The following TMEM135 variants were observed in gnomAD, a reference collection of about 807,000 sequenced individuals.
TMEM135 encodes transmembrane protein 135.
TMEM135 carries 30 observed loss-of-function variants against 60.3 expected under a neutral mutation model. The observed-to-expected ratio is 0.50, with a 90% CI of 0.37 to 0.68. TMEM135 has a LOEUF of 0.68. TMEM135 is among the 30% of genes least tolerant of loss of function. The pLI is 0.00. For missense variants in TMEM135, 468 were observed against 548.8 expected (o/e 0.85, Z 1.47); for synonymous variants, 190 against 186.7 (o/e 1.02, Z -0.14).
intron 6 of TMEM135, among the ~76,000 whole-genome samples, chr11:87,273,860 T>A (rs537662313): frequency 6.6e-6 from 1 of 152,184 alleles, no homozygotes; most frequent in Admixed American, 6.5e-5. Context: ...CTAGGCTATT[T>A]GGGTCCTTAT....
At chr11:87,199,287 G>T (rs1231015355) in intron 5 of TMEM135, among the ~76,000 whole-genome samples, 4 of 152,216 alleles carry the variant, frequency 2.6e-5, no homozygotes, top group African/African-American at 9.6e-5. Flanking sequence ...AAGAGGGTAG[G>T]TTAGAGGGAG....
chr11:87,044,453 A>C (rs1170473752), intron 1 of TMEM135, among the ~76,000 whole-genome samples: 1 of 152,122 alleles, frequency 6.6e-6, no homozygotes, highest in Non-Finnish European at 1.5e-5. Flanking sequence ...AAAGAATGTA[A>C]ACTACTCAGA....
In TMEM135 at chr11:87,067,733, T is replaced by C. The variant is rs776734926; in HGVS notation, c.181T>C (p.Leu61=). 7.1e-5 allele frequency: 115 copies of C among 1,613,850 alleles called. No homozygotes were observed. The highest frequency in any genetic ancestry group is 9.6e-5 in the Non-Finnish European group (113 of 1,179,944). The change falls in exon 2 of 15, where the codon TTA becomes CTA. Residue 61 remains leucine (L), a synonymous_variant. Coordinates refer to ENST00000305494, the MANE Select transcript of TMEM135 (RefSeq NM_022918.4). ...CCGGAAACGGAAATTAGACTATTAT[T>C]TACACAAACTACTCCCTGAGATCCT... ...ILRKRKLDYY[L]HKLLPEILQS...
At chr11:87,086,958 G>A (rs1359889436) in intron 3 of TMEM135, among the ~76,000 whole-genome samples, 1 of 152,120 alleles carries the variant, frequency 6.6e-6, no homozygotes, top group Non-Finnish European at 1.5e-5. Context: ...GGTTAAGGAC[G>A]ATGACCAGTC....
chr11:87,219,599 A>AT, intron 5 of TMEM135, among the ~76,000 whole-genome samples: 1 of 152,066 alleles, frequency 6.6e-6, no homozygotes, highest in Non-Finnish European at 1.5e-5. Context: ...ATCTTACTGG[A>AT]TTAGGGCCTA....
chr11:87,303,656 T>G (rs1405984176), intron 8 of TMEM135, among the ~76,000 whole-genome samples: 3 of 152,230 alleles, frequency 2.0e-5, no homozygotes, highest in Non-Finnish European at 2.9e-5. Context: ...CGTACTCAAA[T>G]TTTTATTGAA....
At chr11:87,112,885 G>A (rs1857790537) in intron 4 of TMEM135, among the ~76,000 whole-genome samples, 1 of 151,780 alleles carries the variant, frequency 6.6e-6, no homozygotes, top group Admixed American at 6.6e-5. Context: ...AATAACATAA[G>A]TTTAACACTG....
At chr11:87,211,807 GGTGGC>G (rs1940376432) in intron 5 of TMEM135, among the ~76,000 whole-genome samples, 6 of 152,102 alleles carry the variant, frequency 3.9e-5, no homozygotes, top group African/African-American at 1.2e-4. Flanking sequence ...AGCTGGGCGT[GGTGGC>G]AGGCGCCTGT....
chr11:87,255,526 T>A (rs1941509117), intron 6 of TMEM135, among the ~76,000 whole-genome samples: 1 of 152,172 alleles, frequency 6.6e-6, no homozygotes, highest in African/African-American at 2.4e-5. Context: ...CAGTCCCAGT[T>A]ACACAGGAGG....
At chr11:87,223,548 G>T (rs1328341104) in intron 5 of TMEM135, among the ~76,000 whole-genome samples, 2 of 151,874 alleles carry the variant, frequency 1.3e-5, no homozygotes, top group Non-Finnish European at 2.9e-5. Context: ...TCATTTAACT[G>T]CATTAGAAAA....
intron 6 of TMEM135, among the ~76,000 whole-genome samples, chr11:87,277,936 A>G (rs1213157544): frequency 6.6e-6 from 1 of 152,234 alleles, no homozygotes; most frequent in Non-Finnish European, 1.5e-5. Flanking sequence ...TAATAGATCT[A>G]TAGATGATTT....
chr11:87,241,909 G>A (rs903327158), intron 6 of TMEM135, among the ~76,000 whole-genome samples: 1 of 151,714 alleles, frequency 6.6e-6, no homozygotes, highest in Admixed American at 6.6e-5. Context: ...CAATGTGCAG[G>A]TTAGTTACAT....
intron 4 of TMEM135, among the ~76,000 whole-genome samples, chr11:87,099,058 G>A (rs10898598): frequency 0.14 from 21,396 of 152,162 alleles, 1,608 homozygotes; most frequent in Non-Finnish European, 0.16. Flanking sequence ...AAACTTTAAA[G>A]TATTATGCCT....
At chr11:87,304,651 C>T (rs1419358582) in intron 8 of TMEM135, among the ~76,000 whole-genome samples, 2 of 152,198 alleles carry the variant, frequency 1.3e-5, no homozygotes, top group African/African-American at 4.8e-5. Flanking sequence ...CTGTATGCTC[C>T]AGCTGTAGTG....
chr11:87,242,619 T>C (rs2135380604), intron 6 of TMEM135, among the ~76,000 whole-genome samples: 1 of 124,102 alleles, frequency 8.1e-6, no homozygotes, highest in Admixed American at 8.0e-5. Context: ...TGAGCATTTT[T>C]TCATGGGTCT....
intron 4 of TMEM135, among the ~76,000 whole-genome samples, chr11:87,149,032 T>TTGTGTGTGTGTGTG (rs553840798): frequency 1.3e-4 from 18 of 143,694 alleles, no homozygotes; most frequent in African/African-American, 4.6e-4. Context: ...CCCCATACCT[T>TTGTGTGTGTGTGTG]TGTGTGTGTG....
intron 4 of TMEM135, among the ~76,000 whole-genome samples, chr11:87,094,536 G>A (rs1857279710): frequency 2.6e-5 from 4 of 151,964 alleles, no homozygotes; most frequent in African/African-American, 9.7e-5. Context: ...TCTTTCCTCT[G>A]TCTCATTAGA....
chr11:87,226,915 G>A (rs1940777285), intron 5 of TMEM135, among the ~76,000 whole-genome samples: 1 of 152,260 alleles, frequency 6.6e-6, no homozygotes, highest in East Asian at 1.9e-4. Context: ...TGGGTGTGGT[G>A]GCAAATGCCT....
intron 5 of TMEM135, among the ~76,000 whole-genome samples, chr11:87,187,523 G>T (rs1939682167): frequency 6.6e-6 from 1 of 152,142 alleles, no homozygotes; most frequent in Non-Finnish European, 1.5e-5. Context: ...AACTGTCATG[G>T]ATCCTCAAAC....
Sources: allele counts gnomAD v4.1 joint callset (sites outside exome capture counted in the v4.1 genomes callset), GRCh38; gene constraint gnomAD v4.1.1; transcripts MANE v1.5; gene names NCBI Gene and HGNC (gene_info 2026-07-23, HGNC 2026-07-21).